The following CCDC192 variants were observed in gnomAD, a reference collection of about 807,000 sequenced individuals.
The protein encoded by CCDC192 is coiled-coil domain-containing protein 192.
intron 3 of CCDC192, chr5:127,785,439 G>A (rs1756485392): frequency 6.6e-6 from 2 of 303,830 alleles, no homozygotes; most frequent in Admixed American, 4.1e-5. Flanking sequence ...AAGTTTAGAG[G>A]TATACTCAAA....
chr5:127,844,308 A>C (rs1008960542), intron 5 of CCDC192, among the ~76,000 whole-genome samples: 2 of 152,228 alleles, frequency 1.3e-5, no homozygotes, highest in African/African-American at 4.8e-5. Flanking sequence ...CTCAAAGTCT[A>C]ATTTTCAAAG....
intron 6 of CCDC192, among the ~76,000 whole-genome samples, chr5:127,912,820 T>C (rs1195709525): frequency 6.6e-6 from 1 of 152,216 alleles, no homozygotes; most frequent in Non-Finnish European, 1.5e-5. Context: ...TTGCTGTATA[T>C]ACTGCAAAAC....
chr5:127,751,864 T>C (rs1754196340), intron 2 of CCDC192, among the ~76,000 whole-genome samples: 1 of 152,218 alleles, frequency 6.6e-6, no homozygotes, highest in Non-Finnish European at 1.5e-5. Context: ...TTTCATTCAT[T>C]TCTTCTTCCA....
intron 3 of CCDC192, among the ~76,000 whole-genome samples, chr5:127,769,789 C>T (rs1755443724): frequency 6.6e-6 from 1 of 152,116 alleles, no homozygotes; most frequent in Non-Finnish European, 1.5e-5. Context: ...CAGAGGAAAC[C>T]TTGACAAGTT....
At chr5:127,862,067 C>A (rs978150138) in intron 5 of CCDC192, among the ~76,000 whole-genome samples, 2 of 152,128 alleles carry the variant, frequency 1.3e-5, no homozygotes, top group Non-Finnish European at 2.9e-5. Flanking sequence ...AGTGCTGGAG[C>A]ATTGAATGAC....
intron 6 of CCDC192, among the ~76,000 whole-genome samples, chr5:127,906,447 C>T (rs1055595493): frequency 3.9e-5 from 6 of 152,086 alleles, no homozygotes; most frequent in Non-Finnish European, 7.4e-5. Flanking sequence ...TTGTTTCTAC[C>T]TTTTGGCTGT....
chr5:127,939,650 A>G (rs750216262), intron 6 of CCDC192, among the ~76,000 whole-genome samples: 2 of 151,232 alleles, frequency 1.3e-5, no homozygotes, highest in Non-Finnish European at 2.9e-5. Context: ...GATGACTGCC[A>G]ATTAATTTTA....
intron 3 of CCDC192, among the ~76,000 whole-genome samples, chr5:127,780,465 T>TG (rs1355753937): frequency 6.6e-6 from 1 of 152,206 alleles, no homozygotes; most frequent in Non-Finnish European, 1.5e-5. Context: ...CCCTGATCAC[T>TG]GCATCCATGC....
chr5:127,721,208 AT>A (rs1281427834), intron 2 of CCDC192, among the ~76,000 whole-genome samples: 1 of 152,206 alleles, frequency 6.6e-6, no homozygotes, highest in Non-Finnish European at 1.5e-5. Flanking sequence ...GTTTCAGACC[AT>A]TTCTTTGCTC....
chr5:127,891,462 T>A (rs570939824), intron 6 of CCDC192, among the ~76,000 whole-genome samples: 9 of 151,592 alleles, frequency 5.9e-5, no homozygotes, highest in African/African-American at 2.2e-4. Flanking sequence ...TTCACTTGTT[T>A]TCTCCTGATT....
chr5:127,823,214 C>T (rs1016922814), intron 5 of CCDC192, among the ~76,000 whole-genome samples: 1 of 152,216 alleles, frequency 6.6e-6, no homozygotes, highest in African/African-American at 2.4e-5. Flanking sequence ...GTCTCTCCCA[C>T]ACTTTGTACG....
At chr5:127,883,794 C>T (rs1280623978) in intron 6 of CCDC192, among the ~76,000 whole-genome samples, 3 of 152,132 alleles carry the variant, frequency 2.0e-5, no homozygotes, top group Admixed American at 6.6e-5. Context: ...ATAGCACTGA[C>T]GTAAAAACTA....
intron 5 of CCDC192, among the ~76,000 whole-genome samples, chr5:127,843,692 C>A (rs1381546041): frequency 6.6e-6 from 1 of 152,100 alleles, no homozygotes; most frequent in East Asian, 1.9e-4. Flanking sequence ...CCTGCCTGGC[C>A]CTCCCAAAGT....
At chr5:127,878,834 A>T (rs1394134168) in intron 6 of CCDC192, among the ~76,000 whole-genome samples, 1 of 148,988 alleles carries the variant, frequency 6.7e-6, no homozygotes, top group Admixed American at 6.7e-5. Context: ...CTTCCTACCC[A>T]TGAGCATGGA....
At chr5:127,908,328 T>C (rs1753254941) in intron 6 of CCDC192, among the ~76,000 whole-genome samples, 1 of 152,190 alleles carries the variant, frequency 6.6e-6, no homozygotes, top group Non-Finnish European at 1.5e-5. Flanking sequence ...TTTCTCCCCT[T>C]AGGAATTTAG....
chr5:127,714,999 G>C (rs1751547628), intron 2 of CCDC192, among the ~76,000 whole-genome samples: 1 of 151,190 alleles, frequency 6.6e-6, no homozygotes, highest in South Asian at 2.1e-4. Flanking sequence ...GAGTTGTTCA[G>C]TATCCTTATA....
At chr5:127,811,819 G>T (rs1042860842) in intron 5 of CCDC192, among the ~76,000 whole-genome samples, 1 of 152,116 alleles carries the variant, frequency 6.6e-6, no homozygotes, top group Non-Finnish European at 1.5e-5. Flanking sequence ...AGAAAAGGGA[G>T]ACTCAATAAA....
At chr5:127,845,428 T>C (rs1359202767) in intron 5 of CCDC192, among the ~76,000 whole-genome samples, 1 of 152,162 alleles carries the variant, frequency 6.6e-6, no homozygotes, top group Non-Finnish European at 1.5e-5. Flanking sequence ...TGAATAGTAC[T>C]GAGGAGAGAG....
chr5:127,794,853 GA>G (rs1246407263), intron 3 of CCDC192, among the ~76,000 whole-genome samples: 1 of 151,638 alleles, frequency 6.6e-6, no homozygotes, highest in African/African-American at 2.4e-5. Flanking sequence ...TTATATTTGA[GA>G]AAAAAATAAT....
Sources: gnomAD v4.1 joint callset for allele counts (sites outside exome capture counted in the v4.1 genomes callset) on GRCh38, gnomAD v4.1.1 for gene constraint, MANE v1.5 for transcripts, NCBI Gene and HGNC (gene_info 2026-07-23, HGNC 2026-07-21) for gene names.